The following TCEA3 variants were observed in gnomAD, a reference collection of about 807,000 sequenced individuals.
TCEA3 encodes transcription elongation factor A3.
In TCEA3, 36 loss-of-function variants were observed where a neutral mutation model predicts 44.0. The observed-to-expected ratio is 0.82, with a 90% CI of 0.63 to 1.08. The LOEUF (loss-of-function observed/expected upper bound fraction) is 1.08, where lower values mean the gene tolerates loss of function less well. Ranked by LOEUF, TCEA3 falls within the 50% of genes least tolerant of loss-of-function variation. TCEA3 has a pLI of 0.00. For missense variants in TCEA3, 392 were observed against 441.2 expected (o/e 0.89, Z 1.00); for synonymous variants, 162 against 159.7 (o/e 1.01, Z -0.11).
chr1:23,421,745 T>G (rs1640072314), intron 1 of TCEA3, among the ~76,000 whole-genome samples: 1 of 152,248 alleles, frequency 6.6e-6, no homozygotes, highest in Non-Finnish European at 1.5e-5. Context: ...TTTTGGAGGA[T>G]TCCTTACCTT....
chr1:23,387,215 C>T, intron 9 of TCEA3, 58 bp downstream of exon 9: 1 of 1,580,050 alleles, frequency 6.3e-7, no homozygotes, highest in South Asian at 1.2e-5. Context: ...CTCTGATTTT[C>T]CACCTCTATG....
Position 23,397,831 on chromosome 1 carries a change from T to C in TCEA3, c.568A>G (p.Lys190Glu). 6.2e-7 allele frequency: 1 copy of C among 1,613,956 alleles called. No individual in the cohort carries two copies. The highest frequency in any genetic ancestry group is 8.5e-7 in the Non-Finnish European group (1 of 1,179,880). ...CYLTGDSVRD[K>E]CVEMLSAALK... is the part of the protein sequence containing the mutation. ...GCTGCTGACAGCATCTCCACACACT[T>C]GTCCCGGACAGAGTCCCCTGTGAGA... Residue 190 changes from lysine to glutamate, a missense_variant, in exon 6 of 11, where the codon AAG becomes GAG. By Grantham distance (56) the Lys-to-Glu change is moderately conservative (BLOSUM62 1). Coordinates refer to ENST00000450454, the MANE Select transcript of TCEA3 (RefSeq NM_003196.3).
At chr1:23,413,298 G>T (rs759006809) in intron 4 of TCEA3, among the ~76,000 whole-genome samples, 3 of 150,312 alleles carry the variant, frequency 2.0e-5, no homozygotes, top group Non-Finnish European at 1.5e-5. Context: ...CACCACGCCC[G>T]GCTAATTTTT....
At position 23,393,963 on chromosome 1, in the gene TCEA3, G is replaced by C; in HGVS notation, c.735C>G (p.Leu245=). Residue 245 remains leucine (L), a synonymous_variant, in exon 8 of 11, where the codon CTC becomes CTG. Transcript: ENST00000450454. ...GCAGGCCGGGGTTCCTGGGGTCCTT[G>C]AGGTTGCTTATGCGGCTGCGCACGC... is the stretch of plus-strand genomic sequence containing the variant. ...RNRVRSRISN[L]KDPRNPGLRR... is the part of the protein sequence containing the mutation. 6.2e-7 allele frequency: 1 copy of C among 1,614,040 alleles called. No homozygotes were observed. Among genetic ancestry groups the C allele is most frequent in the Non-Finnish European group, 8.5e-7 (1 of 1,179,904 alleles).
At chr1:23,412,914 G>A (rs1048871768) in intron 4 of TCEA3, among the ~76,000 whole-genome samples, 4 of 152,140 alleles carry the variant, frequency 2.6e-5, no homozygotes, top group African/African-American at 9.7e-5. Flanking sequence ...TAAAAAGGAA[G>A]GAAATTAATT....
chr1:23,382,669 G>T (rs1638700024), intron 10 of TCEA3, among the ~76,000 whole-genome samples: 1 of 152,198 alleles, frequency 6.6e-6, no homozygotes, highest in Admixed American at 6.5e-5. Flanking sequence ...CTCTGTTAAT[G>T]CTTTATGTGT....
intron 8 of TCEA3, among the ~76,000 whole-genome samples, chr1:23,392,412 G>GCACAATACACACACACTGCACACATCATA (rs1639067365): frequency 1.6e-4 from 1 of 6,240 alleles, no homozygotes; most frequent in Non-Finnish European, 2.6e-4. Context: ...ACATCATCAT[G>GCACAATACACACACACTGCACACATCATA]CACAATACAC....
intron 5 of TCEA3, among the ~76,000 whole-genome samples, chr1:23,399,549 T>G (rs973965493): frequency 6.6e-6 from 1 of 152,150 alleles, no homozygotes; most frequent in Non-Finnish European, 1.5e-5. Flanking sequence ...CATAATACCA[T>G]GTTAATAGCA....
Position 23,384,371 on chromosome 1 carries a change from C to T in TCEA3, c.1013G>A (p.Cys338Tyr), listed in dbSNP as rs756543252. Residue 338 changes from cysteine to tyrosine, a missense_variant, in exon 10 of 11, where the codon TGC (cysteine) becomes TAC (tyrosine). Physicochemically the swap from Cys to Tyr is radical, Grantham distance 194 (BLOSUM62 -2). Transcript: ENST00000450454. ...ADEPMTTFVL[C>Y]NECGNRWKFC ...CTTCCAGCGATTGCCACATTCATTG[C>T]ATAAGACAAAGGTAGTCATGGGCTC... 2 of 1,613,956 alleles carry T rather than the reference C, an allele frequency of 1.2e-6. No individual in the cohort carries two copies. The highest frequency in any genetic ancestry group is 1.7e-6 in the Non-Finnish European group (2 of 1,179,874).
intron 4 of TCEA3, among the ~76,000 whole-genome samples, chr1:23,409,091 GT>G (rs1181220587): frequency 2.0e-5 from 3 of 152,180 alleles, no homozygotes; most frequent in Non-Finnish European, 4.4e-5. Flanking sequence ...GATTCCTGGA[GT>G]TGTCTGTACT....
intron 7 of TCEA3, among the ~76,000 whole-genome samples, chr1:23,395,396 C>A (rs987824756): frequency 6.6e-6 from 1 of 152,204 alleles, no homozygotes; most frequent in Non-Finnish European, 1.5e-5. Context: ...TAGCACAGGG[C>A]CACTCCAAAG....
chr1:23,412,390 A>G (rs919512596), intron 4 of TCEA3, among the ~76,000 whole-genome samples: 1 of 140,722 alleles, frequency 7.1e-6, no homozygotes, highest in East Asian at 2.0e-4. Flanking sequence ...ACATGGTGAG[A>G]CTCTGTCTCA....
In TCEA3 at chr1:23,424,677, A is replaced by T. The variant is rs765366758; in HGVS notation, c.-44T>A. ...GCGGGGCGAGGGGCACAGGGGCAGC[A>T]GTAGGGCCTCGGGGGCAGGAGGCGC... On this transcript the variant is annotated 5_prime_UTR_variant, in exon 1 of 11. Transcript: ENST00000450454. 4.6e-6 allele frequency: 7 copies of T among 1,523,410 alleles called. No individual in the cohort carries two copies. In the Admixed American group the frequency reaches 1.0e-4, roughly 23 times the overall value. The allele number at this position is 1,523,410 out of a possible 1,614,324, so 94.4% of individuals were successfully genotyped here. A position where few individuals can be genotyped will look rare whatever the true frequency, so the allele number is the denominator to read the frequency against.
intron 9 of TCEA3, among the ~76,000 whole-genome samples, chr1:23,385,448 C>G (rs1638807422): frequency 6.6e-6 from 1 of 152,228 alleles, no homozygotes; most frequent in Non-Finnish European, 1.5e-5. Flanking sequence ...AAGCGCATCA[C>G]TCCACACGGA....
intron 7 of TCEA3, among the ~76,000 whole-genome samples, chr1:23,396,489 C>T (rs1243312837): frequency 6.6e-6 from 1 of 152,076 alleles, no homozygotes; most frequent in Non-Finnish European, 1.5e-5. Context: ...AGGCCCCTTT[C>T]AGGTGAGAAG....
chr1:23,390,525 G>A (rs994338817), intron 8 of TCEA3, among the ~76,000 whole-genome samples: 1 of 152,064 alleles, frequency 6.6e-6, no homozygotes, highest in African/African-American at 2.4e-5. Flanking sequence ...AAAGATCAGA[G>A]GACAAGAATA....
At chr1:23,414,498 G>A (rs770951021) in intron 4 of TCEA3, among the ~76,000 whole-genome samples, 4 of 152,188 alleles carry the variant, frequency 2.6e-5, no homozygotes, top group Non-Finnish European at 4.4e-5. Context: ...TGCCTCCTGG[G>A]TTCAAGTGAT....
chr1:23,392,682 A>G (rs1475619618), intron 8 of TCEA3, among the ~76,000 whole-genome samples: 1 of 148,764 alleles, frequency 6.7e-6, no homozygotes. Context: ...CACTCCACAC[A>G]TCACACACAC....
At chr1:23,414,927 C>T (rs1639842051) in intron 4 of TCEA3, among the ~76,000 whole-genome samples, 1 of 151,928 alleles carries the variant, frequency 6.6e-6, no homozygotes, top group Non-Finnish European at 1.5e-5. Context: ...AAGTTCAGCC[C>T]AGAACCTGGC....
Sources: gnomAD v4.1 joint callset for allele counts (sites outside exome capture counted in the v4.1 genomes callset) on GRCh38, gnomAD v4.1.1 for gene constraint, MANE v1.5 for transcripts, NCBI Gene and HGNC (gene_info 2026-07-23, HGNC 2026-07-21) for gene names.